ULK4: variants seen among roughly 807,000 people sequenced by gnomAD.
ULK4 encodes the protein unc-51 like kinase 4, also known as inactive serine/threonine-protein kinase ULK4.
Under a neutral mutation model 160.6 loss-of-function variants are expected in ULK4, and 133 were observed. The observed-to-expected ratio is 0.83, with a 90% CI of 0.72 to 0.96. ULK4 has a LOEUF of 0.96. Ranked by LOEUF, ULK4 falls within the 40% of genes least tolerant of loss-of-function variation. The pLI is 0.00. For missense variants in ULK4, 1,580 were observed against 1,499.5 expected (o/e 1.05, Z -0.89); for synonymous variants, 534 against 539.8 (o/e 0.99, Z 0.15).
intron 35 of ULK4, among the ~76,000 whole-genome samples, chr3:41,379,669 A>C (rs2081603421): frequency 1.3e-5 from 2 of 152,194 alleles, no homozygotes; most frequent in Non-Finnish European, 2.9e-5. Flanking sequence ...AAGCAGAAAG[A>C]CTGGAAGGAG....
Position 41,565,911 on chromosome 3 carries a change from T to C in ULK4, c.3226+114A>G, listed in dbSNP as rs548744085. ...TTTGCTAGTAATATTACTTGAAAAT[T>C]CTTATCTATTTTGACTCATCAACTT... On this transcript the variant is annotated intron_variant, in intron 32 of 36. Transcript: ENST00000301831. 4 of 690,388 alleles carry C rather than the reference T, an allele frequency of 5.8e-6. No individual in the cohort carries two copies. The African/African-American group carries it at 7.4e-5, about 13-fold the overall frequency. The allele number at this position is 690,388 out of a possible 1,614,324, so 42.8% of individuals were successfully genotyped here. A position where few individuals can be genotyped will look rare whatever the true frequency, so the allele number is the denominator to read the frequency against.
intron 35 of ULK4, among the ~76,000 whole-genome samples, chr3:41,354,118 T>G (rs1447617273): frequency 6.6e-6 from 1 of 152,144 alleles, no homozygotes; most frequent in Non-Finnish European, 1.5e-5. Context: ...GTCACACATA[T>G]GCCCTCACAC....
intron 31 of ULK4, among the ~76,000 whole-genome samples, chr3:41,574,525 A>T: frequency 8.8e-6 from 1 of 113,692 alleles, no homozygotes. Flanking sequence ...CTGCTACCAG[A>T]GTCCTCTTTT....
intron 34 of ULK4, among the ~76,000 whole-genome samples, chr3:41,434,842 T>C (rs1374087564): frequency 6.6e-6 from 1 of 152,224 alleles, no homozygotes; most frequent in Non-Finnish European, 1.5e-5. Context: ...TTAGTTTGAA[T>C]TGACTTTTTA....
chr3:41,856,303 T>A (rs1393699053), intron 17 of ULK4, among the ~76,000 whole-genome samples: 1 of 151,618 alleles, frequency 6.6e-6, no homozygotes, highest in Non-Finnish European at 1.5e-5. Context: ...GTAAATTCAC[T>A]GAAATTAACA....
At chr3:41,542,223 T>C (rs6789175) in intron 32 of ULK4, among the ~76,000 whole-genome samples, 77,741 of 152,094 alleles carry the variant, frequency 0.51, 19,988 homozygotes, top group Middle Eastern at 0.57. Context: ...GTTTTTAGCA[T>C]GAAGGGCTGT....
chr3:41,367,805 C>A (rs182678419), intron 35 of ULK4, among the ~76,000 whole-genome samples: 20 of 152,214 alleles, frequency 1.3e-4, no homozygotes, highest in African/African-American at 4.3e-4. Context: ...AACACATGAA[C>A]TTTTCACCAT....
chr3:41,748,558 A>G (rs1183501248), intron 22 of ULK4, among the ~76,000 whole-genome samples: 1 of 152,080 alleles, frequency 6.6e-6, no homozygotes, highest in African/African-American at 2.4e-5. Flanking sequence ...CTTCATTTTT[A>G]TTTCTATTTT....
chr3:41,712,726 C>T (rs952480833), intron 25 of ULK4, among the ~76,000 whole-genome samples: 1 of 151,778 alleles, frequency 6.6e-6, no homozygotes, highest in Admixed American at 6.6e-5. Flanking sequence ...CTCATCTCTT[C>T]GAAAAATTTT....
At chr3:41,516,236 A>T (rs1874354) in intron 32 of ULK4, among the ~76,000 whole-genome samples, 141,844 of 152,266 alleles carry the variant, frequency 0.93, 66,520 homozygotes, top group African/African-American at 0.97. Context: ...AGACAAATTA[A>T]TTTTTAAACT....
chr3:41,292,023 C>T (rs982519922), intron 35 of ULK4, among the ~76,000 whole-genome samples: 1 of 151,614 alleles, frequency 6.6e-6, no homozygotes, highest in African/African-American at 2.4e-5. Flanking sequence ...TTAGTAGAGA[C>T]GGGGTTTCAC....
chr3:41,258,640 A>T (rs949697595), intron 35 of ULK4, among the ~76,000 whole-genome samples: 8 of 152,290 alleles, frequency 5.3e-5, no homozygotes, highest in African/African-American at 1.9e-4. Context: ...TCAAAACATC[A>T]AATGGCAGGC....
intron 22 of ULK4, among the ~76,000 whole-genome samples, chr3:41,724,703 A>C (rs1163176641): frequency 6.6e-6 from 1 of 152,136 alleles, no homozygotes; most frequent in Non-Finnish European, 1.5e-5. Context: ...AGCCTGGGCG[A>C]CAGAGTGAGA....
intron 34 of ULK4, among the ~76,000 whole-genome samples, chr3:41,444,999 T>C (rs954956428): frequency 2.6e-5 from 4 of 152,282 alleles, no homozygotes; most frequent in Middle Eastern, 6.8e-3. Flanking sequence ...AAAATCTCCT[T>C]AAGCTGATAA....
chr3:41,306,941 G>A (rs2079953957), intron 35 of ULK4, among the ~76,000 whole-genome samples: 1 of 151,146 alleles, frequency 6.6e-6, no homozygotes, highest in African/African-American at 2.4e-5. Context: ...ACAGATGCTT[G>A]AAGGCAGCAT....
chr3:41,918,602 T>G (rs1289317275), intron 6 of ULK4, 62 bp from the exon 7 acceptor site: 36 of 884,246 alleles, frequency 4.1e-5, no homozygotes, highest in Non-Finnish European at 5.4e-5. Context: ...ATTCTTTTTT[T>G]TTTTTTTTTT....
chr3:41,492,535 C>A (rs2084821105), intron 32 of ULK4, among the ~76,000 whole-genome samples: 1 of 147,962 alleles, frequency 6.8e-6, no homozygotes, highest in Non-Finnish European at 1.5e-5. Context: ...AGCAAAATAA[C>A]CAGCTAACAT....
intron 29 of ULK4, 116 bp downstream of exon 29, chr3:41,681,392 A>G: frequency 1.5e-6 from 2 of 1,370,288 alleles, no homozygotes; most frequent in African/African-American, 1.5e-5. Flanking sequence ...GTACACAAGC[A>G]TATGTGTATA....
chr3:41,659,266 G>A (rs979542124), intron 30 of ULK4, among the ~76,000 whole-genome samples: 13 of 152,136 alleles, frequency 8.5e-5, no homozygotes, highest in African/African-American at 2.9e-4. Context: ...CCTCTGCATA[G>A]GAATATTCAT....
Sources: gnomAD v4.1 joint callset for allele counts (sites outside exome capture counted in the v4.1 genomes callset) on GRCh38, gnomAD v4.1.1 for gene constraint, MANE v1.5 for transcripts, NCBI Gene and HGNC (gene_info 2026-07-23, HGNC 2026-07-21) for gene names.